Variants in CREB5 observed in about 807,000 individuals in gnomAD.
CREB5 encodes the protein cAMP responsive element binding protein 5, also known as cyclic AMP-responsive element-binding protein 5.
CREB5 carries 19 observed loss-of-function variants against 57.1 expected under a neutral mutation model. That is an observed-to-expected ratio of 0.33 (90% CI 0.23 to 0.49). The LOEUF is 0.49. Ranked by LOEUF, CREB5 falls within the 20% of genes least tolerant of loss-of-function variation. CREB5 has a pLI of 0.99. For synonymous variants in CREB5, 238 were observed against 238.3 expected, an observed-to-expected ratio of 1.00 and a Z score of 0.01; for missense variants, 579 against 671.6, an observed-to-expected ratio of 0.86 and a Z score of 1.52.
chr7:28,554,560 T>C (rs1468432941), intron 4 of CREB5, among the ~76,000 whole-genome samples: 1 of 152,240 alleles, frequency 6.6e-6, no homozygotes, highest in Non-Finnish European at 1.5e-5. Flanking sequence ...TGGATCTGCT[T>C]TTTTCTTTTC....
At chr7:28,331,893 A>AT (rs1372629799) in intron 1 of CREB5, among the ~76,000 whole-genome samples, 1 of 150,612 alleles carries the variant, frequency 6.6e-6, no homozygotes, top group African/African-American at 2.4e-5. Context: ...TATTTTAATT[A>AT]TTTGCTTAGT....
intron 5 of CREB5, among the ~76,000 whole-genome samples, chr7:28,706,904 G>C (rs929593139): frequency 6.6e-6 from 1 of 152,214 alleles, no homozygotes. Context: ...TAGGGGTATA[G>C]CTGCCAGGAA....
chr7:28,530,941 G>A (rs1793701839), intron 4 of CREB5, among the ~76,000 whole-genome samples: 1 of 152,212 alleles, frequency 6.6e-6, no homozygotes, highest in African/African-American at 2.4e-5. Context: ...GTCGTGGAAT[G>A]TAATAAAATT....
intron 5 of CREB5, among the ~76,000 whole-genome samples, chr7:28,697,252 T>C (rs1229295174): frequency 6.6e-6 from 1 of 152,154 alleles, no homozygotes; most frequent in African/African-American, 2.4e-5. Flanking sequence ...GCAGTCAGCA[T>C]TGGAAACACA....
chr7:28,716,770 G>A (rs138284902), intron 5 of CREB5, among the ~76,000 whole-genome samples: 63 of 152,304 alleles, frequency 4.1e-4, no homozygotes, highest in African/African-American at 1.3e-3. Context: ...CTGTGAAGGA[G>A]ACTTTAAGAC....
At chr7:28,717,515 T>C (rs942822957) in intron 5 of CREB5, among the ~76,000 whole-genome samples, 12 of 152,186 alleles carry the variant, frequency 7.9e-5, no homozygotes, top group Admixed American at 1.3e-4. Context: ...CCACTTTTCA[T>C]GGGAGCCAAA....
chr7:28,627,338 C>T (rs754633372), intron 5 of CREB5, among the ~76,000 whole-genome samples: 23 of 152,192 alleles, frequency 1.5e-4, no homozygotes, highest in African/African-American at 4.8e-4. Context: ...ATACTTGAAC[C>T]GTTCGTTTGA....
chr7:28,347,015 G>T (rs774609167), intron 1 of CREB5, among the ~76,000 whole-genome samples: 13 of 152,194 alleles, frequency 8.5e-5, no homozygotes, highest in Non-Finnish European at 1.6e-4. Context: ...GGAGGAACGG[G>T]CCAAGACTAT....
intron 1 of CREB5, among the ~76,000 whole-genome samples, chr7:28,425,509 A>C (rs1043557990): frequency 3.9e-5 from 6 of 152,120 alleles, no homozygotes; most frequent in Non-Finnish European, 1.5e-5. Context: ...AAATGTTCTA[A>C]AATTATAGTG....
At chr7:28,466,831 T>C (rs1790596990) in intron 1 of CREB5, among the ~76,000 whole-genome samples, 1 of 152,242 alleles carries the variant, frequency 6.6e-6, no homozygotes, top group African/African-American at 2.4e-5. Flanking sequence ...AGTGCTCATA[T>C]GGTTCTGGGC....
At chr7:28,681,882 A>G (rs543379895) in intron 5 of CREB5, among the ~76,000 whole-genome samples, 13 of 152,366 alleles carry the variant, frequency 8.5e-5, no homozygotes, top group African/African-American at 3.1e-4. Flanking sequence ...TTTAAGTGGT[A>G]CAATGACTTG....
chr7:28,437,386 C>T (rs1226579303), intron 1 of CREB5, among the ~76,000 whole-genome samples: 1 of 148,954 alleles, frequency 6.7e-6, no homozygotes, highest in East Asian at 2.1e-4. Context: ...TTTCTTGGTA[C>T]TCCGAATCAC....
rs967769851 is a variant in CREB5, at chr7:28,818,009, C to T, written c.1255-62C>T. On this transcript the variant is annotated intron_variant, in intron 9 of 10. Transcript: ENST00000357727. ...TGCCAGTTTTGTTGTTGAAAGTGCA[C>T]AGGGCTGTGGGTTTGTATCCTCTGG... 8 of 1,270,190 alleles carry T rather than the reference C, an allele frequency of 6.3e-6. No individual in the cohort carries two copies. The African/African-American group carries it at 1.2e-4, about 19-fold the overall frequency. 78.7% of individuals were successfully genotyped at this position (1,270,190 alleles called of 1,614,324 possible).
chr7:28,376,271 C>T (rs1322460446), intron 1 of CREB5, among the ~76,000 whole-genome samples: 8 of 130,584 alleles, frequency 6.1e-5, no homozygotes, highest in African/African-American at 1.7e-4. Flanking sequence ...CAGAGAAGTA[C>T]TTTTTTTTTT....
chr7:28,702,308 C>T (rs767502232), intron 5 of CREB5, among the ~76,000 whole-genome samples: 21 of 152,172 alleles, frequency 1.4e-4, no homozygotes, highest in East Asian at 3.9e-4. Context: ...ACTTAACTTT[C>T]GTAAGAACAC....
intron 7 of CREB5, among the ~76,000 whole-genome samples, chr7:28,754,727 C>T (rs1031490534): frequency 6.6e-6 from 1 of 152,050 alleles, no homozygotes; most frequent in Non-Finnish European, 1.5e-5. Flanking sequence ...AAACTTCACT[C>T]TTTTTTTTCC....
intron 1 of CREB5, among the ~76,000 whole-genome samples, chr7:28,445,141 T>G (rs1320354785): frequency 6.6e-6 from 1 of 152,218 alleles, no homozygotes; most frequent in Non-Finnish European, 1.5e-5. Context: ...AGACGTTCCT[T>G]TGCTCCTCCT....
Position 28,354,450 on chromosome 7 carries a change from A to G in CREB5, c.-25+55009A>G, listed in dbSNP as rs756654485. On this transcript the variant is annotated intron_variant, in intron 1 of 9. Coordinates refer to the CREB5 transcript ENST00000396299. The stretch of plus-strand genomic sequence containing the variant: ...TCGAATATCAGACTCCAGGTTTTTC[A>G]GTTTTGGGACTCAAACTGGCTCTCC... 2.0e-5 allele frequency among the ~76,000 whole-genome samples: 3 copies of G among 152,112 alleles called. No homozygotes were observed. The South Asian group carries it at 6.2e-4, about 32-fold the overall frequency.
chr7:28,635,070 T>G (rs1010530266), intron 5 of CREB5, among the ~76,000 whole-genome samples: 4 of 152,176 alleles, frequency 2.6e-5, no homozygotes, highest in African/African-American at 4.8e-5. Flanking sequence ...CCAGGGACTT[T>G]TTTATGTGTT....
Sources: allele counts gnomAD v4.1 joint callset (sites outside exome capture counted in the v4.1 genomes callset), GRCh38; gene constraint gnomAD v4.1.1; transcripts MANE v1.5; gene names NCBI Gene and HGNC (gene_info 2026-07-23, HGNC 2026-07-21).